CNTNAP2: variants seen among roughly 807,000 people sequenced by gnomAD.
The protein encoded by CNTNAP2 is contactin-associated protein-like 2.
Under a neutral mutation model 155.2 loss-of-function variants are expected in CNTNAP2, and 98 were observed. The ratio of observed to expected loss-of-function variants is 0.63; its 90% CI spans 0.54 to 0.75. The LOEUF (loss-of-function observed/expected upper bound fraction) is 0.75. Ranked by LOEUF, CNTNAP2 falls within the 30% of genes least tolerant of loss-of-function variation. The pLI is 0.00. For synonymous variants in CNTNAP2, 651 were observed against 631.2 expected (o/e 1.03, Z -0.47); for missense variants, 1,727 against 1,688.1 (o/e 1.02, Z -0.40).
intron 10 of CNTNAP2, among the ~76,000 whole-genome samples, chr7:147,444,250 G>A (rs1366629408): frequency 2.0e-5 from 3 of 152,250 alleles, no homozygotes; most frequent in South Asian, 2.1e-4. Context: ...GAAAAACTGT[G>A]TAACAACTGG....
At chr7:148,159,543 AT>A (rs1205429436) in intron 17 of CNTNAP2, among the ~76,000 whole-genome samples, 1 of 152,140 alleles carries the variant, frequency 6.6e-6, no homozygotes, top group Admixed American at 6.5e-5. Context: ...CATTTATTCT[AT>A]CCCCTAATGA....
Position 147,081,572 on chromosome 7 carries a change from AC to A in CNTNAP2, c.551-26572del, listed in dbSNP as rs1294809904. The A allele has an allele frequency of 2.1e-5, 3 of 145,474 alleles. No individual in the cohort carries two copies. In the East Asian group the frequency reaches 6.1e-4, roughly 30 times the overall value. The allele number at this position is 145,474 out of a possible 1,614,324, so 9.0% of individuals were successfully genotyped here. On this transcript the variant is annotated intron_variant, in intron 4 of 23. Coordinates refer to ENST00000361727, the MANE Select transcript of CNTNAP2 (RefSeq NM_014141.6). ...GCTGGGACTACAGGCGCACCACCAC[AC>A]CCGGCTAATTTGTGTGTGTGTGTGT...
chr7:146,441,458 G>A (rs1526148), intron 1 of CNTNAP2, among the ~76,000 whole-genome samples: 5,573 of 151,304 alleles, frequency 0.037, 572 homozygotes, highest in African/African-American at 0.13. Context: ...TCTCTTCCCT[G>A]CCCACCTGTT....
At chr7:147,326,374 G>T (rs1422022507) in intron 9 of CNTNAP2, among the ~76,000 whole-genome samples, 2 of 152,086 alleles carry the variant, frequency 1.3e-5, no homozygotes, top group East Asian at 3.8e-4. Flanking sequence ...TCAGAATTTT[G>T]ATTCTTTTCA....
intron 1 of CNTNAP2, among the ~76,000 whole-genome samples, chr7:146,401,471 G>A (rs1430490568): frequency 1.3e-5 from 2 of 152,060 alleles, no homozygotes; most frequent in East Asian, 1.9e-4. Context: ...TTTTTTCCCC[G>A]GCATAATATT....
At chr7:146,525,271 G>A (rs1262492872) in intron 1 of CNTNAP2, among the ~76,000 whole-genome samples, 1 of 152,004 alleles carries the variant, frequency 6.6e-6, no homozygotes, top group Non-Finnish European at 1.5e-5. Flanking sequence ...AGAAAGAAAT[G>A]AAGTTTTTTT....
At chr7:147,317,776 A>ATG (rs1179574989) in intron 9 of CNTNAP2, among the ~76,000 whole-genome samples, 20,553 of 134,090 alleles carry the variant, frequency 0.15, 2,120 homozygotes, top group East Asian at 0.57. Context: ...ATATATATAT[A>ATG]TGTGTGTGTG....
chr7:148,342,368 C>G (rs1387748194), intron 21 of CNTNAP2, among the ~76,000 whole-genome samples: 1 of 152,186 alleles, frequency 6.6e-6, no homozygotes, highest in Non-Finnish European at 1.5e-5. Context: ...AAAGCCAACA[C>G]TTCTCAACTT....
At chr7:147,307,775 C>A (rs1795058478) in intron 9 of CNTNAP2, among the ~76,000 whole-genome samples, 1 of 152,144 alleles carries the variant, frequency 6.6e-6, no homozygotes, top group Non-Finnish European at 1.5e-5. Context: ...TTGATGTTTT[C>A]ATTCATACTG....
intron 1 of CNTNAP2, among the ~76,000 whole-genome samples, chr7:146,455,245 C>T (rs1796539675): frequency 6.6e-6 from 1 of 152,146 alleles, no homozygotes; most frequent in African/African-American, 2.4e-5. Context: ...TAAGGACATA[C>T]AAAAGAAAAC....
chr7:146,264,643 A>G (rs573670358), intron 1 of CNTNAP2, among the ~76,000 whole-genome samples: 1 of 152,322 alleles, frequency 6.6e-6, no homozygotes, highest in East Asian at 1.9e-4. Flanking sequence ...ACGTGGGGTT[A>G]TCTGATGGTA....
chr7:148,118,373 G>C, intron 16 of CNTNAP2, 85 bp downstream of exon 16: 1 of 1,423,226 alleles, frequency 7.0e-7, no homozygotes, highest in Non-Finnish European at 9.8e-7. Flanking sequence ...AAGGCCTTTT[G>C]ATTCAAACGT....
chr7:146,971,507 G>A (rs1416967965), intron 3 of CNTNAP2, among the ~76,000 whole-genome samples: 3 of 152,294 alleles, frequency 2.0e-5, no homozygotes, highest in Admixed American at 1.3e-4. Context: ...ATTCCTTAGA[G>A]GTGGATAGCT....
chr7:147,586,628 G>A (rs1029784480), intron 12 of CNTNAP2, among the ~76,000 whole-genome samples: 2 of 151,602 alleles, frequency 1.3e-5, no homozygotes, highest in Admixed American at 1.3e-4. Context: ...TAAAGAATGA[G>A]GCAGAAACAA....
chr7:147,661,598 G>A (rs1795609851), intron 13 of CNTNAP2, among the ~76,000 whole-genome samples: 1 of 150,686 alleles, frequency 6.6e-6, no homozygotes, highest in South Asian at 2.1e-4. Flanking sequence ...TGTCACCCAG[G>A]CTGGAGTGCA....
chr7:147,674,639 A>G lies in CNTNAP2; in HGVS notation c.2098+35333A>G, dbSNP rs139581092. ...AAACATATTTCACTTCGTTGTTTAA[A>G]TGCAATAGAGATCAAGAGATTATCT... On this transcript the variant is annotated intron_variant, in intron 13 of 23. Transcript: ENST00000361727. Among the ~76,000 whole-genome samples, 946 of 152,274 alleles carry G rather than the reference A, an allele frequency of 6.2e-3. 7 individuals are homozygous for G. Among genetic ancestry groups the G allele is most frequent in the African/African-American group, 0.021 (868 of 41,584 alleles).
At chr7:146,946,560 T>A (rs1175881812) in intron 3 of CNTNAP2, among the ~76,000 whole-genome samples, 1 of 146,696 alleles carries the variant, frequency 6.8e-6, no homozygotes, top group Non-Finnish European at 1.5e-5. Context: ...TAGAAAAAAA[T>A]TATTTGAAAT....
intron 13 of CNTNAP2, among the ~76,000 whole-genome samples, chr7:147,821,624 C>T (rs1484948898): frequency 3.3e-5 from 5 of 151,910 alleles, no homozygotes; most frequent in African/African-American, 1.2e-4. Flanking sequence ...ATTGGAATGC[C>T]AGGAAGGATT....
chr7:147,985,288 G>A (rs1397242575), intron 15 of CNTNAP2, among the ~76,000 whole-genome samples: 1 of 151,730 alleles, frequency 6.6e-6, no homozygotes, highest in Non-Finnish European at 1.5e-5. Context: ...CTGGGGGTGG[G>A]GGGTGGGGAG....
Sources: allele counts gnomAD v4.1 joint callset (sites outside exome capture counted in the v4.1 genomes callset), GRCh38; gene constraint gnomAD v4.1.1; transcripts MANE v1.5; gene names NCBI Gene and HGNC (gene_info 2026-07-23, HGNC 2026-07-21).